Variants in NUP107 observed in about 807,000 individuals in gnomAD.
NUP107 encodes the protein nucleoporin 107, also known as nuclear pore complex protein Nup107.
In NUP107, 101 loss-of-function variants were observed where a neutral mutation model predicts 141.0. That is an observed-to-expected ratio of 0.72 (90% CI 0.61 to 0.84). The LOEUF is 0.84. NUP107 is among the 40% of genes least tolerant of loss of function. The pLI is 0.00. For missense variants in NUP107, 941 were observed against 1,102.7 expected, an observed-to-expected ratio of 0.85 and a Z score of 2.08; for synonymous variants, 319 against 363.9, an observed-to-expected ratio of 0.88 and a Z score of 1.41.
At chr12:68,693,983 TTAA>T (rs1349106455) in intron 5 of NUP107, among the ~76,000 whole-genome samples, 1 of 152,228 alleles carries the variant, frequency 6.6e-6, no homozygotes, top group African/African-American at 2.4e-5. Flanking sequence ...TGGTGGTCCA[TTAA>T]ATAGTTACAA....
At chr12:68,703,734 C>A (rs2136010981) in intron 8 of NUP107, among the ~76,000 whole-genome samples, 2 of 152,246 alleles carry the variant, frequency 1.3e-5, no homozygotes, top group East Asian at 3.9e-4. Flanking sequence ...CAGGTGTGAG[C>A]CACTGTGCCC....
intron 25 of NUP107, 71 bp downstream of exon 25, chr12:68,734,904 G>T: frequency 6.7e-7 from 1 of 1,488,874 alleles, no homozygotes; most frequent in Non-Finnish European, 9.1e-7. Flanking sequence ...TAAAGAGATC[G>T]TTTCTTCAGC....
chr12:68,726,143 C>T (rs774321733), intron 18 of NUP107, among the ~76,000 whole-genome samples: 1 of 152,036 alleles, frequency 6.6e-6, no homozygotes, highest in Non-Finnish European at 1.5e-5. Flanking sequence ...AGCGACTGCA[C>T]CCAGCCAGTT....
intron 10 of NUP107, 76 bp from the exon 11 acceptor site, chr12:68,713,654 G>A (rs1876973370): frequency 1.1e-5 from 11 of 1,005,922 alleles, no homozygotes; most frequent in Admixed American, 2.1e-5. Context: ...TTCTTCCTTT[G>A]ACTTGATTTG....
At chr12:68,690,374 C>T (rs1592489217) in intron 3 of NUP107, 2 of 512,534 alleles carry the variant, frequency 3.9e-6, no homozygotes, top group East Asian at 7.1e-5. Flanking sequence ...TTTAACTGCT[C>T]AGTTATTCTA....
chr12:68,732,075 G>C (rs1044788880), intron 22 of NUP107, among the ~76,000 whole-genome samples: 1 of 152,128 alleles, frequency 6.6e-6, no homozygotes, highest in Non-Finnish European at 1.5e-5. Flanking sequence ...AAGGAATCAC[G>C]TGGTTAAGTT....
chr12:68,695,333 A>T (rs1875998816), intron 5 of NUP107, among the ~76,000 whole-genome samples: 1 of 152,212 alleles, frequency 6.6e-6, no homozygotes, highest in Non-Finnish European at 1.5e-5. Context: ...TGTTCATAGC[A>T]TGATTCATAG....
chr12:68,729,205 G>GT (rs1315434445), intron 20 of NUP107, among the ~76,000 whole-genome samples: 1 of 152,150 alleles, frequency 6.6e-6, no homozygotes, highest in Admixed American at 6.5e-5. Flanking sequence ...TGGCTCTAAA[G>GT]TTATTACAGT....
intron 17 of NUP107, 36 bp from the exon 18 acceptor site, chr12:68,725,691 A>T: frequency 9.6e-7 from 1 of 1,046,058 alleles, no homozygotes; most frequent in East Asian, 2.4e-5. Context: ...AATGACTGCT[A>T]GAAGATTTAT....
chr12:68,717,171 TAC>T (rs1225191059), intron 12 of NUP107, among the ~76,000 whole-genome samples: 1 of 152,214 alleles, frequency 6.6e-6, no homozygotes, highest in Non-Finnish European at 1.5e-5. Context: ...GTGCTAGGAT[TAC>T]AGGCGTGAGC....
intron 10 of NUP107, among the ~76,000 whole-genome samples, chr12:68,712,622 T>C (rs1226648920): frequency 1.3e-5 from 2 of 151,378 alleles, no homozygotes; most frequent in African/African-American, 4.8e-5. Context: ...AAATAAGTTT[T>C]TTTTTTTGTT....
At chr12:68,687,210 G>A (rs1592486759) in intron 1 of NUP107, 137 bp downstream of exon 1, 3 of 1,265,936 alleles carry the variant, frequency 2.4e-6, no homozygotes, top group East Asian at 2.4e-5. Context: ...TCCCCATGCC[G>A]GGAAATTTGG....
intron 27 of NUP107, 21 bp downstream of exon 27, chr12:68,742,001 G>A (rs763165365): frequency 6.5e-7 from 1 of 1,538,516 alleles, no homozygotes; most frequent in South Asian, 1.3e-5. Flanking sequence ...GAGCCTTGTA[G>A]TTTTAAATTT....
chr12:68,694,233 C>T (rs955060583), intron 5 of NUP107, among the ~76,000 whole-genome samples: 1 of 152,198 alleles, frequency 6.6e-6, no homozygotes, highest in Non-Finnish European at 1.5e-5. Flanking sequence ...TGTATTTTCC[C>T]AGAGTGGAAC....
intron 14 of NUP107, 127 bp downstream of exon 14, chr12:68,719,781 A>G (rs1877278066): frequency 1.5e-6 from 1 of 686,210 alleles, no homozygotes; most frequent in Non-Finnish European, 2.6e-6. Context: ...TAAATTGAGG[A>G]ATAGGCTTAA....
chr12:68,696,865 C>G lies in NUP107; in HGVS notation c.495C>G (p.His165Gln). The G allele has an allele frequency of 6.2e-7, 1 of 1,609,750 alleles. No homozygotes were observed. Among genetic ancestry groups the G allele is most frequent in the Non-Finnish European group, 8.5e-7 (1 of 1,178,426 alleles). Residue 165 changes from histidine to glutamine, a missense_variant, in exon 6 of 28, where the codon CAC becomes CAG. Transcript: ENST00000229179. ...ATTTCCTGCAGTCTTTTCTGAAGCACTCTTCGAGTACAGTTTTTGATCTTG... is the reference window on the plus strand; with the variant it reads ...ATTTCCTGCAGTCTTTTCTGAAGCAGTCTTCGAGTACAGTTTTTGATCTTG... ...FSDFLQSFLK[H>Q]SSSTVFDLVE...
In NUP107 at chr12:68,691,954, TG is replaced by T; in HGVS notation, c.304-13del. 1 of 1,576,830 alleles carries T rather than the reference TG, an allele frequency of 6.3e-7. No homozygotes were observed. The highest frequency in any genetic ancestry group is 1.4e-5 in the African/African-American group (1 of 72,654). On this transcript the variant is annotated splice_polypyrimidine_tract_variant and intron_variant, in intron 4 of 27. Coordinates refer to ENST00000229179, the MANE Select transcript of NUP107 (RefSeq NM_020401.4). ...TCACTTTTCTGTATTTTTACTTTTT[TG>T]TTTTTTTTTAAGGTTACTAATCTGG... is the stretch of plus-strand genomic sequence containing the variant.
intron 17 of NUP107, among the ~76,000 whole-genome samples, chr12:68,723,002 G>A (rs577538326): frequency 6.6e-6 from 1 of 152,096 alleles, no homozygotes; most frequent in Non-Finnish European, 1.5e-5. Flanking sequence ...TTTATACATT[G>A]TATATACATA....
At chr12:68,727,305 T>A (rs1877605284) in intron 19 of NUP107, 46 bp from the exon 20 acceptor site, 1 of 989,546 alleles carries the variant, frequency 1.0e-6, no homozygotes, top group Non-Finnish European at 1.5e-6. Context: ...TTTGTTACTT[T>A]CATATAAGCA....
Sources: allele counts gnomAD v4.1 joint callset (sites outside exome capture counted in the v4.1 genomes callset), GRCh38; gene constraint gnomAD v4.1.1; transcripts MANE v1.5; gene names NCBI Gene and HGNC (gene_info 2026-07-23, HGNC 2026-07-21).